ETF1: variants seen among roughly 807,000 people sequenced by gnomAD.
ETF1 encodes eukaryotic peptide chain release factor subunit 1.
ETF1 carries 4 observed loss-of-function variants against 55.1 expected under a neutral mutation model. The observed-to-expected ratio is 0.07, with a 90% CI of 0.04 to 0.17. ETF1 has a LOEUF of 0.17. Ranked by LOEUF, ETF1 falls within the 10% of genes least tolerant of loss-of-function variation. The pLI, the probability that ETF1 is intolerant of heterozygous loss-of-function variation, is 1.00. For missense variants in ETF1, 142 were observed against 523.6 expected (o/e 0.27, Z 7.11); for synonymous variants, 157 against 182.3 (o/e 0.86, Z 1.12).
intron 2 of ETF1, among the ~76,000 whole-genome samples, chr5:138,527,915 G>C (rs939911270): frequency 6.6e-6 from 1 of 152,038 alleles, no homozygotes; most frequent in Non-Finnish European, 1.5e-5. Context: ...TGGGGTTTCA[G>C]GTATGTGCCA....
chr5:138,542,025 G>A (rs568854213), intron 2 of ETF1, among the ~76,000 whole-genome samples: 88 of 152,178 alleles, frequency 5.8e-4, no homozygotes, highest in Admixed American at 1.8e-3. Flanking sequence ...CAAGCATCAA[G>A]CACATCAGGC....
chr5:138,526,375 T>C (rs1010852337), intron 2 of ETF1, among the ~76,000 whole-genome samples: 1 of 152,296 alleles, frequency 6.6e-6, no homozygotes, highest in South Asian at 2.1e-4. Flanking sequence ...AATTGGGTCC[T>C]AGAAAGCTTA....
chr5:138,517,953 G>A lies in ETF1; in HGVS notation c.263-253C>T, dbSNP rs187136636. On this transcript the variant is annotated intron_variant, in intron 3 of 10. Transcript: ENST00000360541. ...GTGGTGGCTCACGCCTGTAATCCCA[G>A]CACTCTGGGAGGCCGAGGTAGGCGG... 2.8e-5 allele frequency: 26 copies of A among 920,682 alleles called. No homozygotes were observed. In the East Asian group the frequency reaches 2.8e-3, roughly 100 times the overall value. 57.0% of individuals were successfully genotyped at this position (920,682 alleles called of 1,614,324 possible).
chr5:138,517,178 G>C (rs1371469204), intron 4 of ETF1, among the ~76,000 whole-genome samples: 2 of 152,118 alleles, frequency 1.3e-5, no homozygotes, highest in South Asian at 2.1e-4. Flanking sequence ...AGACCAGCCT[G>C]ACCAATGTGT....
rs1373401337 is a variant in ETF1, at chr5:138,531,360, A to G, written c.86+11473T>C. Among the ~76,000 whole-genome samples, 4 of 152,180 alleles carry G rather than the reference A, an allele frequency of 2.6e-5. No homozygotes were observed. In the South Asian group the frequency reaches 6.2e-4, roughly 24 times the overall value. On this transcript the variant is annotated intron_variant, in intron 2 of 10. Coordinates refer to ENST00000360541, the MANE Select transcript of ETF1 (RefSeq NM_004730.4). ...AAAGCAGAGAGCAGGCCCTTACCAG[A>G]ACACCAATCTGTGGTATTCTGTTAT...
chr5:138,534,574 G>C (rs1420784375), intron 2 of ETF1, among the ~76,000 whole-genome samples: 1 of 152,204 alleles, frequency 6.6e-6, no homozygotes, highest in African/African-American at 2.4e-5. Flanking sequence ...GTTCTTCCTA[G>C]GGTGGAAATA....
chr5:138,519,491 G>A (rs1164293735), intron 2 of ETF1, among the ~76,000 whole-genome samples: 1 of 150,738 alleles, frequency 6.6e-6, no homozygotes, highest in African/African-American at 2.4e-5. Context: ...GTGAAACCTC[G>A]TCTCAATTAA....
intron 6 of ETF1, 110 bp from the exon 7 acceptor site, chr5:138,511,714 T>C (rs1764793837): frequency 1.4e-6 from 2 of 1,414,814 alleles, no homozygotes; most frequent in Non-Finnish European, 9.2e-7. Flanking sequence ...AGCTCAGCAT[T>C]ATGATCACTG....
At chr5:138,541,567 C>T (rs1470586413) in intron 2 of ETF1, 1 of 1,535,120 alleles carries the variant, frequency 6.5e-7, no homozygotes, top group African/African-American at 1.4e-5. Flanking sequence ...TTTCATATAA[C>T]AGTAATAATG....
chr5:138,541,137 T>C (rs1319467303), intron 2 of ETF1, among the ~76,000 whole-genome samples: 1 of 152,208 alleles, frequency 6.6e-6, no homozygotes, highest in Middle Eastern at 3.2e-3. Context: ...AATGCAATAC[T>C]GGATTGAAGG....
chr5:138,508,380 C>T lies in ETF1; in HGVS notation c.1239G>A (p.Leu413=). 2 of 1,613,858 alleles carry T rather than the reference C, an allele frequency of 1.2e-6. No homozygotes were observed. Among genetic ancestry groups the T allele is most frequent in the African/African-American group, 1.3e-5 (1 of 75,002 alleles). ...VKGFGGIGGI[L]RYRVDFQGME... ...TTCCCTGGAAATCTACTCGGTACCG[C>T]AAGATACCTGGGGAAACAAACCAAA... The change falls in exon 11 of 11, where the codon TTG becomes TTA. Residue 413 remains leucine, a synonymous_variant. Coordinates refer to ENST00000360541, the MANE Select transcript of ETF1 (RefSeq NM_004730.4).
rs184291183 is a variant in ETF1 at position 138,526,367 on chromosome 5, T to C, written c.87-7500A>G. Among the ~76,000 whole-genome samples the C allele has an allele frequency of 2.9e-3, 436 of 152,228 alleles. 4 individuals are homozygous for C. Among genetic ancestry groups the C allele is most frequent in the African/African-American group, 9.9e-3 (410 of 41,540 alleles). On this transcript the variant is annotated intron_variant, in intron 2 of 10. Coordinates refer to ENST00000360541, the MANE Select transcript of ETF1 (RefSeq NM_004730.4). ...GTTTAAAATATGAAAATATCTCAAA[T>C]TGGGTCCTAGAAAGCTTATTTTCAT...
chr5:138,542,808 G>A (rs1426978532), intron 2 of ETF1, 25 bp downstream of exon 2: 6 of 1,610,816 alleles, frequency 3.7e-6, no homozygotes, highest in Non-Finnish European at 5.1e-6. Context: ...AAGAGGGCAC[G>A]GAGGGTGCCG....
intron 2 of ETF1, among the ~76,000 whole-genome samples, chr5:138,519,848 T>C (rs1215384211): frequency 1.3e-5 from 2 of 151,910 alleles, no homozygotes; most frequent in African/African-American, 4.8e-5. Context: ...AAGATTTTGG[T>C]TTTTTAACTT....
In ETF1 at chr5:138,514,627, C is replaced by CCAT. The variant is rs1561831788; in HGVS notation, c.403-924_403-922dup. Among the ~76,000 whole-genome samples, 9 of 151,342 alleles carry CCAT rather than the reference C, an allele frequency of 5.9e-5. No individual in the cohort carries two copies. In the South Asian group the frequency reaches 1.9e-3, roughly 32 times the overall value. ...TGCTGGCCAGGCTGGAGTGCAGTAG[C>CCAT]CATCATAGCTCACTGCAGCCTCGAA... On this transcript the variant is annotated intron_variant, in intron 4 of 10. Coordinates refer to ENST00000360541, the MANE Select transcript of ETF1 (RefSeq NM_004730.4).
intron 2 of ETF1, among the ~76,000 whole-genome samples, chr5:138,537,388 G>T (rs1765981518): frequency 6.6e-6 from 1 of 152,144 alleles, no homozygotes. Flanking sequence ...GGCAAATGTG[G>T]TGTTAAGTAT....
At position 138,512,630 on chromosome 5, in the gene ETF1, C is replaced by T. The variant is rs569631236; in HGVS notation, c.732+134G>A. On this transcript the variant is annotated intron_variant, in intron 6 of 10. Transcript: ENST00000360541. Reference sequence around the variant, plus strand: ...ATGTTTCCTGATAAACATCTGTAAACCTGCTGTTTAACTCAGAGGCAAGTT... The same window carrying T: ...ATGTTTCCTGATAAACATCTGTAAATCTGCTGTTTAACTCAGAGGCAAGTT... 68 of 651,674 alleles carry T rather than the reference C, an allele frequency of 1.0e-4. No homozygotes were observed. In the East Asian group the frequency reaches 2.2e-3, roughly 21 times the overall value. The allele number at this position is 651,674 out of a possible 1,614,324, so 40.4% of individuals were successfully genotyped here.
chr5:138,537,450 T>C (rs927678823), intron 2 of ETF1, among the ~76,000 whole-genome samples: 1 of 152,230 alleles, frequency 6.6e-6, no homozygotes, highest in Non-Finnish European at 1.5e-5. Flanking sequence ...TTAATGTCCA[T>C]AGTTACACAT....
At chr5:138,541,580 G>C (rs927202270) in intron 2 of ETF1, 3 of 1,533,916 alleles carry the variant, frequency 2.0e-6, no homozygotes, top group Non-Finnish European at 2.6e-6. Flanking sequence ...TAATAATGAA[G>C]AGCTTGGAGG....
Sources: allele counts gnomAD v4.1 joint callset (sites outside exome capture counted in the v4.1 genomes callset), GRCh38; gene constraint gnomAD v4.1.1; transcripts MANE v1.5; gene names NCBI Gene and HGNC (gene_info 2026-07-23, HGNC 2026-07-21).